Variants in GLIS1 observed in about 807,000 individuals in gnomAD.
GLIS1 encodes GLIS family zinc finger 1.
A neutral mutation model predicts 63.8 loss-of-function variants in GLIS1; 24 were observed. The ratio of observed to expected loss-of-function variants is 0.38; its 90% CI spans 0.27 to 0.53. The LOEUF (loss-of-function observed/expected upper bound fraction) is 0.53. Among genes scored for constraint, GLIS1 ranks in the 20% least tolerant of loss-of-function variants. GLIS1 has a pLI of 0.85. For missense variants in GLIS1, 1,036 were observed against 1,074.1 expected, an observed-to-expected ratio of 0.96 and a Z score of 0.50; for synonymous variants, 450 against 482.5, an observed-to-expected ratio of 0.93 and a Z score of 0.88.
At chr1:53,694,323 G>A (rs1376975920) in intron 2 of GLIS1, among the ~76,000 whole-genome samples, 7 of 152,214 alleles carry the variant, frequency 4.6e-5, no homozygotes, top group Admixed American at 3.9e-4. Context: ...TGCTCAGAAC[G>A]CGGTTGTTCT....
chr1:53,629,462 T>C (rs777213820), intron 2 of GLIS1, among the ~76,000 whole-genome samples: 5 of 152,186 alleles, frequency 3.3e-5, no homozygotes, highest in Non-Finnish European at 7.3e-5. Flanking sequence ...CTCTTAATGG[T>C]GCCCTAGAAA....
At chr1:53,631,900 G>A (rs1645655722) in intron 2 of GLIS1, among the ~76,000 whole-genome samples, 1 of 152,158 alleles carries the variant, frequency 6.6e-6, no homozygotes, top group Non-Finnish European at 1.5e-5. Flanking sequence ...CAGTGGGCTG[G>A]TGTGGAGCAA....
intron 2 of GLIS1, among the ~76,000 whole-genome samples, chr1:53,719,684 G>C (rs1044604266): frequency 1.6e-4 from 25 of 152,068 alleles, no homozygotes; most frequent in African/African-American, 6.0e-4. Context: ...GAGTAAGATG[G>C]GGGTGGAGTG....
At chr1:53,547,857 T>C (rs1384739694) in intron 4 of GLIS1, among the ~76,000 whole-genome samples, 1 of 152,224 alleles carries the variant, frequency 6.6e-6, no homozygotes, top group South Asian at 2.1e-4. Context: ...TTCCATTTTA[T>C]TGGAGCAGCC....
intron 2 of GLIS1, among the ~76,000 whole-genome samples, chr1:53,684,807 GA>G (rs1398896341): frequency 1.3e-5 from 2 of 152,226 alleles, no homozygotes; most frequent in African/African-American, 4.8e-5. Context: ...CCTCTCAGCA[GA>G]AGTCCTGGGC....
intron 4 of GLIS1, among the ~76,000 whole-genome samples, chr1:53,582,437 C>T (rs1041758441): frequency 2.0e-5 from 3 of 152,196 alleles, no homozygotes; most frequent in African/African-American, 4.8e-5. Flanking sequence ...GATTTTGACA[C>T]GTGTGGTCTA....
intron 2 of GLIS1, among the ~76,000 whole-genome samples, chr1:53,725,028 C>T (rs1414796347): frequency 1.3e-5 from 2 of 152,170 alleles, no homozygotes; most frequent in African/African-American, 4.8e-5. Context: ...CTTCCGTATT[C>T]TGAGTGCATA....
intron 2 of GLIS1, among the ~76,000 whole-genome samples, chr1:53,653,343 C>A (rs1327374662): frequency 3.9e-5 from 6 of 152,078 alleles, no homozygotes; most frequent in Non-Finnish European, 7.4e-5. Flanking sequence ...GTGCCTTGTC[C>A]CCAAGAGACT....
At chr1:53,521,196 C>T (rs746470976) in intron 6 of GLIS1, among the ~76,000 whole-genome samples, 50 of 152,156 alleles carry the variant, frequency 3.3e-4, no homozygotes, top group Non-Finnish European at 6.6e-4. Flanking sequence ...GCTGGGCCTG[C>T]CACACTCAGT....
intron 2 of GLIS1, among the ~76,000 whole-genome samples, chr1:53,709,445 T>C (rs985884843): frequency 9.9e-6 from 1 of 101,292 alleles, no homozygotes. Flanking sequence ...CACACACACT[T>C]GTTGATGGTG....
At chr1:53,667,877 C>G (rs563067873) in intron 2 of GLIS1, among the ~76,000 whole-genome samples, 4 of 152,294 alleles carry the variant, frequency 2.6e-5, no homozygotes, top group African/African-American at 9.6e-5. Flanking sequence ...TTGGCAACAC[C>G]TGAATTTTGG....
chr1:53,705,391 G>C (rs530807688), intron 2 of GLIS1, among the ~76,000 whole-genome samples: 1 of 152,330 alleles, frequency 6.6e-6, no homozygotes, highest in East Asian at 1.9e-4. Context: ...CAGGGAAATG[G>C]CAAGTGCTGA....
chr1:53,520,589 C>A, intron 7 of GLIS1, 45 bp downstream of exon 7: 1 of 1,541,040 alleles, frequency 6.5e-7, no homozygotes. Context: ...CAGAGAAAGG[C>A]CCCTCCTGGG....
At chr1:53,699,913 C>T (rs1646505231) in intron 2 of GLIS1, among the ~76,000 whole-genome samples, 1 of 152,184 alleles carries the variant, frequency 6.6e-6, no homozygotes, top group Admixed American at 6.5e-5. Flanking sequence ...TCTCCAAATG[C>T]CATCATATTG....
intron 4 of GLIS1, among the ~76,000 whole-genome samples, chr1:53,568,033 G>A (rs889769401): frequency 7.9e-5 from 12 of 152,218 alleles, no homozygotes; most frequent in African/African-American, 2.9e-4. Flanking sequence ...CCCCAGAATG[G>A]AGATCCACTG....
intron 2 of GLIS1, among the ~76,000 whole-genome samples, chr1:53,614,111 T>C (rs1376584188): frequency 6.6e-6 from 1 of 152,224 alleles, no homozygotes; most frequent in Non-Finnish European, 1.5e-5. Flanking sequence ...GCCTACTATA[T>C]GCCAGGACCA....
chr1:53,658,074 C>T (rs1214320469), intron 2 of GLIS1, among the ~76,000 whole-genome samples: 2 of 152,168 alleles, frequency 1.3e-5, no homozygotes, highest in Non-Finnish European at 2.9e-5. Context: ...CTATCCACCC[C>T]TATGCTCACC....
chr1:53,692,482 A>C (rs7555617), intron 2 of GLIS1, among the ~76,000 whole-genome samples: 34,768 of 152,230 alleles, frequency 0.23, 4,059 homozygotes, highest in East Asian at 0.28. Flanking sequence ...TGCTTTACAC[A>C]CATTAATGTG....
chr1:53,738,036 G>A lies in GLIS1; in HGVS notation c.29C>T (p.Ser10Leu). Residue 10 changes from serine to leucine, a missense_variant, in exon 2 of 11, where the codon TCG (serine) becomes TTG (leucine). Ser to Leu is a moderately radical substitution (Grantham distance 145, BLOSUM62 -2). Coordinates refer to ENST00000628545, the MANE Select transcript of GLIS1 (RefSeq NM_001367484.1). ...AGGGGCCTCCTTAGGCCTCTTGTCC[G>A]AGTGTGCCTCAGCCACCTCGCAATG... MHCEVAEAH[S>L]DKRPKEAPGA... 1.6e-6 allele frequency: 2 copies of A among 1,230,732 alleles called. No homozygotes were observed. Among genetic ancestry groups the A allele is most frequent in the Non-Finnish European group, 2.0e-6 (2 of 987,282 alleles). 76.2% of individuals were successfully genotyped at this position (1,230,732 alleles called of 1,614,324 possible).
Sources: allele counts gnomAD v4.1 joint callset (sites outside exome capture counted in the v4.1 genomes callset), GRCh38; gene constraint gnomAD v4.1.1; transcripts MANE v1.5; gene names NCBI Gene and HGNC (gene_info 2026-07-23, HGNC 2026-07-21).